Variants in REPS2 observed in about 807,000 individuals in gnomAD.
REPS2 encodes RALBP1 associated Eps domain containing 2.
A neutral mutation model predicts 53.6 loss-of-function variants in REPS2; 23 were observed. The ratio of observed to expected loss-of-function variants is 0.43; its 90% CI spans 0.31 to 0.61. The LOEUF (loss-of-function observed/expected upper bound fraction) is 0.61, where lower values mean the gene tolerates loss of function less well. REPS2 is among the 20% of genes least tolerant of loss of function. The pLI is 0.11. For missense variants in REPS2, 446 were observed against 534.9 expected (o/e 0.83, Z 1.64); for synonymous variants, 238 against 218.6 (o/e 1.09, Z -0.78).
intron 13 of REPS2, among the ~76,000 whole-genome samples, chrX:17,090,052 T>C (rs2062593785): frequency 8.9e-6 from 1 of 112,394 alleles, no homozygotes; most frequent in Admixed American, 9.4e-5. Flanking sequence ...ATTATTATCT[T>C]TTTGATTATC....
At chrX:17,062,176 C>T (rs895444704) in intron 8 of REPS2, among the ~76,000 whole-genome samples, 1 of 112,378 alleles carries the variant, frequency 8.9e-6, no homozygotes, top group African/African-American at 3.2e-5. Flanking sequence ...CAAGTCCCTG[C>T]TCTTCCATTT....
chrX:17,129,268 C>T (rs191707868), intron 14 of REPS2, among the ~76,000 whole-genome samples: 24 of 112,279 alleles, frequency 2.1e-4, no homozygotes, highest in Non-Finnish European at 3.6e-4. Flanking sequence ...TTTCCACATC[C>T]CAAGCCTAAC....
the REPS2 span, among the ~76,000 whole-genome samples, chrX:17,158,329 T>C: frequency 8.9e-6 from 1 of 111,782 alleles, no homozygotes; most frequent in African/African-American, 3.3e-5. Flanking sequence ...GACTTGTATA[T>C]TTTTTAAAAA....
intron 1 of REPS2, among the ~76,000 whole-genome samples, chrX:16,964,463 CA>C (rs1569092250): frequency 3.7e-5 from 4 of 108,801 alleles, no homozygotes; most frequent in African/African-American, 1.0e-4. Flanking sequence ...TCCGATTTCT[CA>C]ATCTTTTCCC....
At chrX:17,071,433 A>G (rs188043759) in intron 11 of REPS2, among the ~76,000 whole-genome samples, 136 of 107,170 alleles carry the variant, frequency 1.3e-3, no homozygotes, top group African/African-American at 4.3e-3. Flanking sequence ...TTTAGATCTC[A>G]TTTTTAACAT....
At chrX:17,015,924 C>T in intron 2 of REPS2, among the ~76,000 whole-genome samples, 1 of 111,784 alleles carries the variant, frequency 8.9e-6, no homozygotes, top group Non-Finnish European at 1.9e-5. Flanking sequence ...TGGGTATATA[C>T]CCAGTAATGG....
intron 6 of REPS2, among the ~76,000 whole-genome samples, chrX:17,048,309 T>C (rs923514665): frequency 5.4e-5 from 6 of 112,142 alleles, no homozygotes; most frequent in Admixed American, 1.9e-4. Context: ...TTGGTGGTAA[T>C]GGCTTTATTG....
At chrX:17,194,909 A>G in the REPS2 span, among the ~76,000 whole-genome samples, 1 of 112,365 alleles carries the variant, frequency 8.9e-6, no homozygotes, top group Non-Finnish European at 1.9e-5. Flanking sequence ...AAAATTTTCA[A>G]TTAAAATATT....
intron 17 of REPS2, among the ~76,000 whole-genome samples, chrX:17,141,540 G>A (rs981540072): frequency 8.9e-6 from 1 of 111,754 alleles, no homozygotes; most frequent in Non-Finnish European, 1.9e-5. Flanking sequence ...CTCTTGGATT[G>A]GGATTCGTAG....
At chrX:16,961,115 G>A (rs2060656566) in intron 1 of REPS2, among the ~76,000 whole-genome samples, 2 of 111,465 alleles carry the variant, frequency 1.8e-5, no homozygotes, top group African/African-American at 6.5e-5. Context: ...AAATTCATAT[G>A]GTGTGACAAA....
At chrX:17,063,513 A>G (rs898663445) in intron 9 of REPS2, among the ~76,000 whole-genome samples, 2 of 111,962 alleles carry the variant, frequency 1.8e-5, no homozygotes, top group Non-Finnish European at 3.8e-5. Context: ...CCTCTGACTA[A>G]CATCTCTCTG....
intron 1 of REPS2, among the ~76,000 whole-genome samples, chrX:16,981,615 C>T (rs1329096412): frequency 8.9e-6 from 1 of 112,374 alleles, no homozygotes; most frequent in Non-Finnish European, 1.9e-5. Context: ...TTCCCCAGCA[C>T]ATCTGTGATT....
intron 1 of REPS2, among the ~76,000 whole-genome samples, chrX:16,991,026 G>A (rs1200780630): frequency 9.0e-6 from 1 of 110,670 alleles, no homozygotes; most frequent in Non-Finnish European, 1.9e-5. Flanking sequence ...CTGTGCACAG[G>A]TGTATGATTG....
chrX:17,043,470 G>C (rs2061862288), intron 5 of REPS2, among the ~76,000 whole-genome samples: 1 of 103,512 alleles, frequency 9.7e-6, no homozygotes, highest in South Asian at 4.5e-4. Flanking sequence ...TTGCTCCACT[G>C]TCCACTTATC....
chrX:17,038,533 G>A (rs1335010886), intron 5 of REPS2, among the ~76,000 whole-genome samples: 1 of 112,590 alleles, frequency 8.9e-6, no homozygotes, highest in Non-Finnish European at 1.9e-5. Flanking sequence ...AACTACCTTG[G>A]CAGCCAAATG....
intron 1 of REPS2, among the ~76,000 whole-genome samples, chrX:16,986,517 A>G (rs1379636187): frequency 8.9e-6 from 1 of 112,230 alleles, no homozygotes; most frequent in Non-Finnish European, 1.9e-5. Flanking sequence ...ACTTGTTGAC[A>G]CACTGCACCT....
At chrX:16,956,453 C>T (rs1051739239) in intron 1 of REPS2, among the ~76,000 whole-genome samples, 1 of 109,490 alleles carries the variant, frequency 9.1e-6, no homozygotes, top group Non-Finnish European at 1.9e-5. Context: ...ACGTGCATGC[C>T]ACCACACCCA....
At chrX:16,983,747 C>T (rs951968664) in intron 1 of REPS2, among the ~76,000 whole-genome samples, 1 of 112,746 alleles carries the variant, frequency 8.9e-6, no homozygotes, top group Non-Finnish European at 1.9e-5. Context: ...TCCTGTGATC[C>T]CCCAGCCTTG....
intron 1 of REPS2, among the ~76,000 whole-genome samples, chrX:17,000,350 C>T (rs1239101691): frequency 1.8e-5 from 2 of 111,756 alleles, no homozygotes; most frequent in African/African-American, 6.5e-5. Flanking sequence ...AGGCTGGTCT[C>T]GGACTCCTGG....
Sources: gnomAD v4.1 joint callset for allele counts (sites outside exome capture counted in the v4.1 genomes callset) on GRCh38, gnomAD v4.1.1 for gene constraint, MANE v1.5 for transcripts, NCBI Gene and HGNC (gene_info 2026-07-23, HGNC 2026-07-21) for gene names.